Variants in HSPG2 observed in about 807,000 individuals in gnomAD.
The protein encoded by HSPG2 is basement membrane-specific heparan sulfate proteoglycan core protein.
HSPG2 carries 278 observed loss-of-function variants against 526.6 expected under a neutral mutation model. The observed-to-expected ratio is 0.53, with a 90% CI of 0.48 to 0.58. The LOEUF (loss-of-function observed/expected upper bound fraction) is 0.58, where lower values mean the gene tolerates loss of function less well. Among genes scored for constraint, HSPG2 ranks in the 20% least tolerant of loss-of-function variants. The pLI is 0.00. For missense variants in HSPG2, 5,354 were observed against 6,099.5 expected, an observed-to-expected ratio of 0.88 and a Z score of 4.07; for synonymous variants, 2,465 against 2,555.4, an observed-to-expected ratio of 0.96 and a Z score of 1.07.
chr1:21,850,175 T>C lies in HSPG2; in HGVS notation c.7312A>G (p.Thr2438Ala). The change falls in exon 57 of 97, where the codon ACG becomes GCG. Residue 2438 changes from threonine (T) to alanine (A), a missense_variant. Physicochemically the swap from Thr to Ala is moderately conservative, Grantham distance 58. Coordinates refer to ENST00000374695, the MANE Select transcript of HSPG2 (RefSeq NM_005529.7). ...GSVPALGVTP[T>A]VRIESSSSQV... Reference sequence around the variant, plus strand: ...GAAGACGATGACTCGATCCGGACCGTGGGGGTGACCCCAAGTGCTGGGGAC... The same window carrying C: ...GAAGACGATGACTCGATCCGGACCGCGGGGGTGACCCCAAGTGCTGGGGAC... 6.2e-7 allele frequency: 1 copy of C among 1,613,318 alleles called. No individual in the cohort carries two copies. The highest frequency in any genetic ancestry group is 1.1e-5 in the South Asian group (1 of 91,088).
In HSPG2 at chr1:21,841,188, G is replaced by A. The variant is rs370608171; in HGVS notation, c.9426C>T (p.Ser3142=). The A allele has an allele frequency of 1.7e-5, 27 of 1,613,874 alleles. No individual in the cohort carries two copies. The African/African-American group carries it at 2.4e-4, about 14-fold the overall frequency. Residue 3142 remains serine (S), a synonymous_variant, in exon 71 of 97, where the codon TCC becomes TCT. Coordinates refer to ENST00000374695, the MANE Select transcript of HSPG2 (RefSeq NM_005529.7). ...TGCTGATCCGGGTCCAACGAGCAGA[G>A]GAGCGGGGCTCCCCGGCACTGACAC... The part of the protein sequence containing the change: ...LECVSAGEPR[S]SARWTRISST...
At position 21,878,044 on chromosome 1, in the gene HSPG2, G is replaced by T. The variant is rs534997091; in HGVS notation, c.2685+142C>A. On this transcript the variant is annotated intron_variant, in intron 21 of 96. Coordinates refer to ENST00000374695, the MANE Select transcript of HSPG2 (RefSeq NM_005529.7). Reference sequence around the variant, plus strand: ...GCCACCTGTCCTGGTACGGAAGGCCGGTGGGCCAGGTCCACCAGCCTCTGA... The same window carrying T: ...GCCACCTGTCCTGGTACGGAAGGCCTGTGGGCCAGGTCCACCAGCCTCTGA... 2.1e-5 allele frequency: 15 copies of T among 725,820 alleles called. No individual in the cohort carries two copies. The South Asian group carries it at 2.3e-4, about 11-fold the overall frequency. The allele number at this position is 725,820 out of a possible 1,614,324, so 45.0% of individuals were successfully genotyped here.
Position 21,828,241 on chromosome 1 carries a change from G to C in HSPG2, c.12409+14C>G. 2.5e-6 allele frequency: 4 copies of C among 1,613,488 alleles called. No individual in the cohort carries two copies. Among genetic ancestry groups the C allele is most frequent in the Non-Finnish European group, 3.4e-6 (4 of 1,180,040 alleles). ...GTGCCCCTCCCCTCCGGTGCCCTGG[G>C]CAGGCTTTCCCACCTTTGAATCCAT... is the stretch of plus-strand genomic sequence containing the variant. On this transcript the variant is annotated intron_variant, in intron 89 of 96. Coordinates refer to ENST00000374695, the MANE Select transcript of HSPG2 (RefSeq NM_005529.7). The surrounding 1 kb of genome is among the most constrained non-coding windows in gnomAD (Gnocchi z 6.0).
At chr1:21,826,595 C>T (rs530531966) in intron 91 of HSPG2, among the ~76,000 whole-genome samples, 55 of 151,950 alleles carry the variant, frequency 3.6e-4, no homozygotes, top group African/African-American at 1.3e-3. Flanking sequence ...TGGCAACCTC[C>T]ACCTCCCAGG....
chr1:21,836,570 G>A lies in HSPG2; in HGVS notation c.10355+232C>T, dbSNP rs537036304. Among the ~76,000 whole-genome samples the A allele has an allele frequency of 7.0e-4, 106 of 152,266 alleles. 1 individual carries two copies. The highest frequency in any genetic ancestry group is 2.1e-3 in the South Asian group (10 of 4,832). On this transcript the variant is annotated intron_variant, in intron 75 of 96. Transcript: ENST00000374695. ...ACTCCTGACCTCAGGTGATCTGCCC[G>A]CCTCAGCCTCCCAAAGTGCTGGGAT...
In HSPG2 at chr1:21,832,547, G is replaced by A. The variant is rs769283624; in HGVS notation, c.11155C>T (p.Arg3719Trp). ...VPGSPTNLANRQPDFISFGLV... is the reference protein window; with the variant it reads ...VPGSPTNLANWQPDFISFGLV... ...CCGAAGGAGATGAAGTCGGGCTGCC[G>A]GTTGGCCAGGTTGGTGGGGCTCCCT... Residue 3719 changes from arginine to tryptophan, a missense_variant, in exon 81 of 97, where the codon CGG becomes TGG. Transcript: ENST00000374695. 49 of 1,614,082 alleles carry A rather than the reference G, an allele frequency of 3.0e-5. No individual in the cohort carries two copies. The highest frequency in any genetic ancestry group is 1.1e-4 in the East Asian group (5 of 44,892).
rs1639192378 is a variant in HSPG2, at chr1:21,854,665, G to A, written c.6234C>T (p.Ala2078=). The change falls in exon 49 of 97, where the codon GCC becomes GCT. Residue 2078 remains alanine (A), a synonymous_variant. Transcript: ENST00000374695. ...LDLNCVVAGS[A]HAQVTWYRRG... is the part of the protein sequence containing the mutation. Reference sequence around the variant, plus strand: ...GCCTGTACCAGGTGACCTGGGCATGGGCTGACCCTGCCACCACACAGTTGA... The same window carrying A: ...GCCTGTACCAGGTGACCTGGGCATGAGCTGACCCTGCCACCACACAGTTGA... The A allele has an allele frequency of 6.2e-7, 1 of 1,603,040 alleles. No homozygotes were observed. Among genetic ancestry groups the A allele is most frequent in the Non-Finnish European group, 8.5e-7 (1 of 1,174,776 alleles).
intron 75 of HSPG2, 107 bp downstream of exon 75, chr1:21,836,695 A>T (rs578107536): frequency 1.1e-6 from 1 of 941,130 alleles, no homozygotes; most frequent in South Asian, 1.4e-5. Flanking sequence ...GATGTGTCCA[A>T]GGACAGTGCT....
At chr1:21,873,232 TG>T in intron 30 of HSPG2, 141 bp from the exon 31 acceptor site, 4 of 1,165,122 alleles carry the variant, frequency 3.4e-6, no homozygotes, top group Non-Finnish European at 5.2e-6. Flanking sequence ...TCGGAGGTGG[TG>T]GGGCCTTCTC....
chr1:21,871,041 G>A (rs894217910), intron 33 of HSPG2, among the ~76,000 whole-genome samples: 1 of 152,142 alleles, frequency 6.6e-6, no homozygotes, highest in South Asian at 2.1e-4. Flanking sequence ...TGTGTCCAAC[G>A]AACAGGGATA....
chr1:21,832,254 C>A lies in HSPG2; in HGVS notation c.11207+241G>T, dbSNP rs6688720. Among the ~76,000 whole-genome samples the A allele has an allele frequency of 0.073, 10,912 of 148,932 alleles. 422 individuals are homozygous for A. The highest frequency in any genetic ancestry group is 0.1 in the African/African-American group (3,840 of 38,502). On this transcript the variant is annotated intron_variant, in intron 81 of 96. Transcript: ENST00000374695. The stretch of plus-strand genomic sequence containing the variant: ...TCAGCAAATAACTGATGCATGCATG[C>A]ATGAATGAATGAATGAATGAATGAA...
chr1:21,846,442 G>T lies in HSPG2; in HGVS notation c.8316+6C>A. On this transcript the variant is annotated splice_donor_region_variant and intron_variant, in intron 63 of 96. Coordinates refer to ENST00000374695, the MANE Select transcript of HSPG2 (RefSeq NM_005529.7). ...GCTCTCCCACCATTTCCTGCCAGCT[G>T]CATACCTGATGGTGACTGGGGAGGC... The T allele has an allele frequency of 1.2e-6, 2 of 1,613,366 alleles. No homozygotes were observed. The highest frequency in any genetic ancestry group is 1.7e-6 in the Non-Finnish European group (2 of 1,180,028).
At chr1:21,843,865 A>C (rs983075910) in intron 65 of HSPG2, among the ~76,000 whole-genome samples, 11 of 152,030 alleles carry the variant, frequency 7.2e-5, no homozygotes, top group East Asian at 3.9e-4. Context: ...TGAACTCCTG[A>C]CCTCAAGTGA....
chr1:21,847,334 C>T lies in HSPG2; in HGVS notation c.8164+20G>A, dbSNP rs763713649. On this transcript the variant is annotated intron_variant, in intron 62 of 96. Transcript: ENST00000374695. This position sits in a 1 kb window ranked among gnomAD's most constrained non-coding sequence, Gnocchi z 4.1. ...AACACTGTTGCCTGCATCCCTCGTC[C>T]CTTTCCTAGGCAGACTCACCGGAGG... 7 of 1,613,798 alleles carry T rather than the reference C, an allele frequency of 4.3e-6. No homozygotes were observed. Among genetic ancestry groups the T allele is most frequent in the Non-Finnish European group, 5.9e-6 (7 of 1,180,002 alleles).
intron 87 of HSPG2, 142 bp downstream of exon 87, chr1:21,829,241 T>C: frequency 7.4e-7 from 1 of 1,351,384 alleles, no homozygotes. Context: ...TGGCCTCAAG[T>C]GACACAGAGA....
intron 71 of HSPG2, 133 bp from the exon 72 acceptor site, chr1:21,840,150 A>G (rs2098042941): frequency 1.4e-6 from 1 of 729,412 alleles, no homozygotes; most frequent in Non-Finnish European, 2.3e-6. Context: ...TTATATATTT[A>G]TTTTTTGAGA....
Position 21,874,502 on chromosome 1 carries a change from C to T in HSPG2, c.3560G>A (p.Cys1187Tyr). The T allele has an allele frequency of 6.2e-7, 1 of 1,613,320 alleles. No individual in the cohort carries two copies. The highest frequency in any genetic ancestry group is 1.3e-5 in the African/African-American group (1 of 75,044). ...GCQHHTEGPR[C>Y]EQCQPGYYGD... Reference sequence around the variant, plus strand: ...GTAGTATCCTGGCTGGCACTGCTCACACCGAGGGCCCTCCGTGTGATGCTG... The same window carrying T: ...GTAGTATCCTGGCTGGCACTGCTCATACCGAGGGCCCTCCGTGTGATGCTG... The change falls in exon 28 of 97, where the codon TGT becomes TAT. Residue 1187 changes from cysteine to tyrosine, a missense_variant. Coordinates refer to ENST00000374695, the MANE Select transcript of HSPG2 (RefSeq NM_005529.7).
At position 21,886,456 on chromosome 1, in the gene HSPG2, C is replaced by T. The variant is rs558599927; in HGVS notation, c.1078+759G>A. On this transcript the variant is annotated intron_variant, in intron 9 of 96. Coordinates refer to ENST00000374695, the MANE Select transcript of HSPG2 (RefSeq NM_005529.7). ...AGCTCACAGCAGGAACATGGACACG[C>T]GCCCAGACACACCACCCAGGACCAC... Among the ~76,000 whole-genome samples the T allele has an allele frequency of 3.9e-5, 6 of 152,222 alleles. No homozygotes were observed. In the South Asian group the frequency reaches 6.2e-4, roughly 16 times the overall value.
At position 21,839,561 on chromosome 1, in the gene HSPG2, G is replaced by C. The variant is rs757974672; in HGVS notation, c.9710-11C>G. 3.7e-6 allele frequency: 6 copies of C among 1,613,332 alleles called. No individual in the cohort carries two copies. In the African/African-American group the frequency reaches 5.3e-5, roughly 14 times the overall value. Reference sequence around the variant, plus strand: ...TGGGCGCGGGGCTGCCTGTGGAGTCGAGTGGAAGATGACAGAAGTCACTGG... The same window carrying C: ...TGGGCGCGGGGCTGCCTGTGGAGTCCAGTGGAAGATGACAGAAGTCACTGG... On this transcript the variant is annotated splice_polypyrimidine_tract_variant and intron_variant, in intron 72 of 96. Transcript: ENST00000374695. The surrounding 1 kb of genome is among the most constrained non-coding windows in gnomAD (Gnocchi z 4.5).
Sources: allele counts gnomAD v4.1 joint callset (sites outside exome capture counted in the v4.1 genomes callset), GRCh38; gene constraint gnomAD v4.1.1; non-coding constraint Gnocchi (gnomAD v3.1); transcripts MANE v1.5; gene names NCBI Gene and HGNC (gene_info 2026-07-23, HGNC 2026-07-21).